The following USP31 variants were observed in gnomAD, a reference collection of about 807,000 sequenced individuals.
USP31 encodes ubiquitin carboxyl-terminal hydrolase 31.
USP31 carries 44 observed loss-of-function variants against 119.4 expected under a neutral mutation model. That is an observed-to-expected ratio of 0.37 (90% CI 0.29 to 0.47). USP31 has a LOEUF of 0.47. Ranked by LOEUF, USP31 falls within the 20% of genes least tolerant of loss-of-function variation. The probability of loss-of-function intolerance (pLI) is 0.99; values close to 1 mark genes in which losing one functional copy is unlikely to be tolerated. For synonymous variants in USP31, 749 were observed against 705.6 expected (o/e 1.06, Z -0.97); for missense variants, 1,643 against 1,730.2 (o/e 0.95, Z 0.89).
chr16:23,073,664 C>G, intron 14 of USP31, 58 bp downstream of exon 14: 4 of 1,586,802 alleles, frequency 2.5e-6, no homozygotes, highest in Non-Finnish European at 3.4e-6. Context: ...TCCTCTAGAC[C>G]ATTCATTACA....
At chr16:23,102,291 G>T in intron 6 of USP31, 28 bp downstream of exon 6, 1 of 1,599,420 alleles carries the variant, frequency 6.3e-7, no homozygotes, top group South Asian at 1.1e-5. Context: ...AAACCCAGGT[G>T]GCATTATGGA....
chr16:23,068,835 A>G lies in USP31; in HGVS notation c.3270T>C (p.Pro1090=). The change falls in exon 16 of 16, where the codon CCT becomes CCC. Residue 1090 remains proline (P), a synonymous_variant. Coordinates refer to ENST00000219689, the MANE Select transcript of USP31 (RefSeq NM_020718.4). ...ACTCCTTTTTGGGTTGGGCAGGGGC[A>G]GGGGATGAATGCCGTCCACTGCCCC... ...SSRGSGRHSS[P]APAQPKKESS... The G allele has an allele frequency of 7.7e-6, 12 of 1,562,494 alleles. No individual in the cohort carries two copies. The highest frequency in any genetic ancestry group is 1.0e-5 in the Non-Finnish European group (12 of 1,156,814).
At chr16:23,093,392 A>G (rs1901456679) in intron 6 of USP31, among the ~76,000 whole-genome samples, 1 of 152,260 alleles carries the variant, frequency 6.6e-6, no homozygotes, top group East Asian at 1.9e-4. Flanking sequence ...ACATTTCTCC[A>G]AAGAGAATAT....
intron 1 of USP31, among the ~76,000 whole-genome samples, chr16:23,137,334 A>G (rs752858107): frequency 6.6e-6 from 1 of 152,236 alleles, no homozygotes; most frequent in Admixed American, 6.5e-5. Flanking sequence ...ACCCTCATCC[A>G]TTATTGGTGA....
chr16:23,099,105 AG>A (rs1431355109), intron 6 of USP31, among the ~76,000 whole-genome samples: 3 of 152,300 alleles, frequency 2.0e-5, no homozygotes, highest in African/African-American at 7.2e-5. Flanking sequence ...GAATCTATAA[AG>A]AACTCAAACG....
intron 1 of USP31, among the ~76,000 whole-genome samples, chr16:23,139,181 C>A (rs1596738069): frequency 6.6e-6 from 1 of 152,074 alleles, no homozygotes; most frequent in Non-Finnish European, 1.5e-5. Flanking sequence ...GGCGGGTGGA[C>A]CACCTGAGGT....
chr16:23,115,338 T>C (rs999455015), intron 1 of USP31, among the ~76,000 whole-genome samples: 3 of 152,326 alleles, frequency 2.0e-5, no homozygotes, highest in African/African-American at 7.2e-5. Context: ...ATCTGAGAAA[T>C]TATTTAAGTA....
At chr16:23,092,554 CCT>C (rs1901413097) in intron 6 of USP31, among the ~76,000 whole-genome samples, 2 of 152,032 alleles carry the variant, frequency 1.3e-5, no homozygotes, top group African/African-American at 4.8e-5. Flanking sequence ...CGCCAGCCAG[CCT>C]GCAGGTAAAG....
rs772964351 is a variant in USP31, at chr16:23,080,062, G to A, written c.2060C>T (p.Ser687Leu). 8.7e-6 allele frequency: 14 copies of A among 1,613,980 alleles called. No homozygotes were observed. The highest frequency in any genetic ancestry group is 2.7e-5 in the African/African-American group (2 of 74,912). Reference sequence around the variant, plus strand: ...GGGCCGTCTCCACGGGGACCAATGCGATGGCAAACTCCAGCTGCTCTGGCT... The same window carrying A: ...GGGCCGTCTCCACGGGGACCAATGCAATGGCAAACTCCAGCTGCTCTGGCT... Reference protein sequence around the residue: ...KRSQSSWSLPSHWSPWRRPYG... With the variant: ...KRSQSSWSLPLHWSPWRRPYG... The change falls in exon 13 of 16, where the codon TCG becomes TTG. Residue 687 changes from serine to leucine, a missense_variant. Around this residue, in one of 5 missense-constraint regions of USP31, gnomAD observed 279 missense variants for 372.2 expected, o/e 0.75. Transcript: ENST00000219689.
intron 1 of USP31, among the ~76,000 whole-genome samples, chr16:23,117,709 G>C (rs1201046191): frequency 1.3e-5 from 2 of 151,746 alleles, no homozygotes; most frequent in African/African-American, 4.8e-5. Flanking sequence ...TGAATACCAG[G>C]GTTCAAGTTC....
chr16:23,074,051 A>G (rs1900459837), intron 13 of USP31, 171 bp from the exon 14 acceptor site: 1 of 784,286 alleles, frequency 1.3e-6, no homozygotes, highest in African/African-American at 1.7e-5. Context: ...ATCACACTCG[A>G]GCAAAATATC....
intron 1 of USP31, among the ~76,000 whole-genome samples, chr16:23,112,501 G>T (rs1261769078): frequency 6.6e-6 from 1 of 152,040 alleles, no homozygotes; most frequent in Admixed American, 6.5e-5. Context: ...CTTGAACCCG[G>T]GAGGCAGAGG....
At position 23,084,939 on chromosome 16, in the gene USP31, C is replaced by T. The variant is rs1392319334; in HGVS notation, c.1751G>A (p.Arg584His). ...DEYIPDAESV[R>H]LQRERHHQPQ... The stretch of plus-strand genomic sequence containing the variant: ...CTGATGATGACGCTCCCTTTGCAGA[C>T]GAACACTTTCTGCATCAGGAATATA... The change falls in exon 11 of 16, where the codon CGT becomes CAT. Residue 584 changes from arginine to histidine, a missense_variant. Physicochemically the swap from Arg to His is conservative, Grantham distance 29. This residue lies in a region of USP31 where 279 missense variants were observed against 372.2 expected (regional missense o/e 0.75). Transcript: ENST00000219689. 2 of 1,613,850 alleles carry T rather than the reference C, an allele frequency of 1.2e-6. No individual in the cohort carries two copies. Among genetic ancestry groups the T allele is most frequent in the Admixed American group, 1.7e-5 (1 of 59,980 alleles).
intron 1 of USP31, among the ~76,000 whole-genome samples, chr16:23,125,082 C>T (rs141150996): frequency 6.5e-4 from 99 of 152,214 alleles, no homozygotes; most frequent in African/African-American, 2.2e-3. Flanking sequence ...TTCTTATGTC[C>T]CAGACCTGCT....
chr16:23,123,117 C>A (rs1019907567), intron 1 of USP31, among the ~76,000 whole-genome samples: 1 of 152,032 alleles, frequency 6.6e-6, no homozygotes, highest in Non-Finnish European at 1.5e-5. Flanking sequence ...AGAAAGGGTA[C>A]CTTCTGGAGT....
At chr16:23,131,039 G>A (rs572208581) in intron 1 of USP31, among the ~76,000 whole-genome samples, 7 of 152,308 alleles carry the variant, frequency 4.6e-5, no homozygotes, top group African/African-American at 1.7e-4. Context: ...GCTGGGCGCT[G>A]TGGCTCACAC....
intron 11 of USP31, among the ~76,000 whole-genome samples, 179 bp downstream of exon 11, chr16:23,084,681 C>A (rs979815647): frequency 2.0e-5 from 3 of 152,128 alleles, no homozygotes; most frequent in Non-Finnish European, 4.4e-5. Context: ...TAGAAACTTA[C>A]AACTTCTTGT....
chr16:23,069,466 G>A lies in USP31; in HGVS notation c.2639C>T (p.Pro880Leu), dbSNP rs1303583248. 3 of 1,614,222 alleles carry A rather than the reference G, an allele frequency of 1.9e-6. No individual in the cohort carries two copies. Among genetic ancestry groups the A allele is most frequent in the East Asian group, 2.2e-5 (1 of 44,880 alleles). ...TGGCGAATCCCCTGAAAATCGGGAT[G>A]GAGAATTGGAGCGCATCTGCAGCTT... ...SAKLQMRSNS[P>L]SRFSGDSPIH... Residue 880 changes from proline to leucine, a missense_variant, in exon 16 of 16, where the codon CCA (proline) becomes CTA (leucine). Pro to Leu is a moderately conservative substitution (Grantham distance 98). Transcript: ENST00000219689.
chr16:23,133,429 A>G (rs11864113), intron 1 of USP31, among the ~76,000 whole-genome samples: 212 of 152,300 alleles, frequency 1.4e-3, no homozygotes, highest in African/African-American at 4.9e-3. Context: ...AATAAGACAT[A>G]ATCACTGCAC....
Sources: allele counts gnomAD v4.1 joint callset (sites outside exome capture counted in the v4.1 genomes callset), GRCh38; gene constraint gnomAD v4.1.1; regional missense constraint gnomAD v4.1.1; transcripts MANE v1.5; gene names NCBI Gene and HGNC (gene_info 2026-07-23, HGNC 2026-07-21).